The following MAGI2 variants were observed in gnomAD, a reference collection of about 807,000 sequenced individuals.
The protein encoded by MAGI2 is membrane associated guanylate kinase, WW and PDZ domain containing 2.
In MAGI2, 35 loss-of-function variants were observed where a neutral mutation model predicts 133.3. That is an observed-to-expected ratio of 0.26 (90% CI 0.20 to 0.35). The LOEUF (loss-of-function observed/expected upper bound fraction) is 0.35, where lower values mean the gene tolerates loss of function less well. MAGI2 is among the 10% of genes least tolerant of loss of function. The pLI, the probability that MAGI2 is intolerant of heterozygous loss-of-function variation, is 1.00. For missense variants in MAGI2, 1,636 were observed against 1,863.4 expected (o/e 0.88, Z 2.25); for synonymous variants, 729 against 710.6 (o/e 1.03, Z -0.41).
intron 10 of MAGI2, among the ~76,000 whole-genome samples, chr7:78,214,797 A>C (rs2150816961): frequency 6.6e-6 from 1 of 152,354 alleles, no homozygotes; most frequent in South Asian, 2.1e-4. Flanking sequence ...TCTCATAACT[A>C]CAATAGCAAG....
intron 2 of MAGI2, among the ~76,000 whole-genome samples, chr7:78,971,270 C>A (rs761106900): frequency 1.3e-5 from 2 of 152,010 alleles, no homozygotes; most frequent in Non-Finnish European, 2.9e-5. Flanking sequence ...GCTATTAACT[C>A]ATTACTTCCC....
intron 21 of MAGI2, among the ~76,000 whole-genome samples, chr7:78,075,163 C>T (rs1203070541): frequency 6.6e-6 from 1 of 152,118 alleles, no homozygotes; most frequent in Non-Finnish European, 1.5e-5. Context: ...CTAGTGAAAA[C>T]CTTGGGCACT....
intron 3 of MAGI2, among the ~76,000 whole-genome samples, chr7:78,608,829 A>G (rs181599411): frequency 2.4e-4 from 36 of 152,316 alleles, no homozygotes; most frequent in African/African-American, 8.2e-4. Context: ...TTTCTCTGCT[A>G]GTTAGCTGAC....
At chr7:79,361,876 A>G (rs1196543191) in intron 1 of MAGI2, among the ~76,000 whole-genome samples, 2 of 152,150 alleles carry the variant, frequency 1.3e-5, no homozygotes, top group African/African-American at 4.8e-5. Flanking sequence ...AAGTAATATA[A>G]ATGAAAACAA....
chr7:79,214,708 C>G (rs903233009), intron 1 of MAGI2, among the ~76,000 whole-genome samples: 13 of 128,570 alleles, frequency 1.0e-4, no homozygotes, highest in African/African-American at 3.8e-4. Context: ...CATAAATATA[C>G]ATAAATATAA....
At chr7:79,368,366 A>T (rs1412258395) in intron 1 of MAGI2, among the ~76,000 whole-genome samples, 1 of 151,992 alleles carries the variant, frequency 6.6e-6, no homozygotes, top group Non-Finnish European at 1.5e-5. Context: ...CCCAGGAAAG[A>T]CTCAGATGAT....
intron 2 of MAGI2, among the ~76,000 whole-genome samples, chr7:78,816,853 C>T (rs1474396873): frequency 6.6e-6 from 1 of 152,174 alleles, no homozygotes; most frequent in Non-Finnish European, 1.5e-5. Flanking sequence ...AAGACAATAT[C>T]CATTCTGTAG....
intron 21 of MAGI2, among the ~76,000 whole-genome samples, chr7:78,062,952 A>G (rs1452843250): frequency 1.3e-5 from 2 of 152,032 alleles, no homozygotes; most frequent in Non-Finnish European, 1.5e-5. Flanking sequence ...TTCATTATTC[A>G]CCAACCTTCT....
intron 5 of MAGI2, among the ~76,000 whole-genome samples, chr7:78,490,227 C>T (rs1793473568): frequency 6.6e-6 from 1 of 152,062 alleles, no homozygotes; most frequent in South Asian, 2.1e-4. Flanking sequence ...CATCTTAAAC[C>T]TACCCTTTTC....
rs142357088 is a variant in MAGI2 at position 78,474,332 on chromosome 7, T to A, written c.1045+15429A>T. ...AAAAAGGAATCTATGTGATAGTGCA[T>A]CAGCTTAGGAGATGGGATTTTCATT... On this transcript the variant is annotated intron_variant, in intron 6 of 21. Transcript: ENST00000354212. 5.5e-3 allele frequency among the ~76,000 whole-genome samples: 830 copies of A among 152,122 alleles called. 4 individuals carry two copies. Among genetic ancestry groups the A allele is most frequent in the African/African-American group, 0.016 (678 of 41,526 alleles).
intron 1 of MAGI2, among the ~76,000 whole-genome samples, chr7:79,229,790 A>T (rs551681303): frequency 0.011 from 1,666 of 151,352 alleles, 23 homozygotes; most frequent in Middle Eastern, 0.079. Context: ...AAGTTTTTTT[A>T]AAAATTTTTT....
chr7:78,525,317 A>G (rs1563122741), intron 3 of MAGI2, among the ~76,000 whole-genome samples: 1 of 152,146 alleles, frequency 6.6e-6, no homozygotes, highest in Non-Finnish European at 1.5e-5. Context: ...CCCTAAGCCA[A>G]CGTTTTTATC....
chr7:79,185,326 C>T (rs1260928326), intron 1 of MAGI2, among the ~76,000 whole-genome samples: 3 of 151,698 alleles, frequency 2.0e-5, no homozygotes, highest in East Asian at 1.9e-4. Flanking sequence ...AAAGAAAAAC[C>T]GCATCTCTAT....
In MAGI2 at chr7:78,679,799, T is replaced by C. The variant is rs144300668; in HGVS notation, c.419-52560A>G. ...GAAACTGATCAGAGATGAGGTGCTT[T>C]CATTTTAACAAAACATAAGGAAATT... On this transcript the variant is annotated intron_variant, in intron 2 of 21. Coordinates refer to ENST00000354212, the MANE Select transcript of MAGI2 (RefSeq NM_012301.4). 6.3e-3 allele frequency among the ~76,000 whole-genome samples: 964 copies of C among 152,242 alleles called. 4 individuals carry two copies. The highest frequency in any genetic ancestry group is 0.024 in the Middle Eastern group (7 of 294).
intron 2 of MAGI2, among the ~76,000 whole-genome samples, chr7:78,689,229 CAG>C (rs1372299771): frequency 1.3e-5 from 2 of 152,104 alleles, no homozygotes; most frequent in South Asian, 2.1e-4. Flanking sequence ...TATCCTATTG[CAG>C]AGTTTGACCA....
chr7:78,408,053 C>T (rs1346550465), intron 6 of MAGI2, among the ~76,000 whole-genome samples: 3 of 152,030 alleles, frequency 2.0e-5, no homozygotes, highest in Admixed American at 2.0e-4. Context: ...CCAGATATTT[C>T]CAGGTAATTT....
At chr7:79,360,458 C>T (rs1473041719) in intron 1 of MAGI2, among the ~76,000 whole-genome samples, 1 of 151,988 alleles carries the variant, frequency 6.6e-6, no homozygotes, top group Non-Finnish European at 1.5e-5. Context: ...ACAAAAGAAG[C>T]TGTAACATAG....
intron 20 of MAGI2, among the ~76,000 whole-genome samples, chr7:78,086,619 A>G (rs1816666697): frequency 7.1e-6 from 1 of 140,170 alleles, no homozygotes; most frequent in Non-Finnish European, 1.5e-5. Context: ...TCTCTGGGTG[A>G]TCACTTCCCA....
chr7:78,139,706 A>G (rs1822546478), intron 16 of MAGI2, among the ~76,000 whole-genome samples: 1 of 152,198 alleles, frequency 6.6e-6, no homozygotes, highest in Non-Finnish European at 1.5e-5. Flanking sequence ...TATTTGGGAA[A>G]AGTTGCAGTA....
Sources: gnomAD v4.1 joint callset for allele counts (sites outside exome capture counted in the v4.1 genomes callset) on GRCh38, gnomAD v4.1.1 for gene constraint, MANE v1.5 for transcripts, NCBI Gene and HGNC (gene_info 2026-07-23, HGNC 2026-07-21) for gene names.